Variants in BEND4 observed in about 807,000 individuals in gnomAD.
BEND4 encodes BEN domain-containing protein 4.
In BEND4, 27 loss-of-function variants were observed where a neutral mutation model predicts 54.7. That is an observed-to-expected ratio of 0.49 (90% CI 0.36 to 0.68). The LOEUF (loss-of-function observed/expected upper bound fraction) is 0.68. Among genes scored for constraint, BEND4 ranks in the 30% least tolerant of loss-of-function variants. The pLI, the probability that BEND4 is intolerant of heterozygous loss-of-function variation, is 0.00. For missense variants in BEND4, 702 were observed against 697.2 expected (o/e 1.01, Z -0.08); for synonymous variants, 327 against 299.5 (o/e 1.09, Z -0.95).
In BEND4 at chr4:42,135,934, C is replaced by T. The variant is rs115138679; in HGVS notation, c.1054+7494G>A. On this transcript the variant is annotated intron_variant, in intron 3 of 5. Transcript: ENST00000502486. ...AGAGATTCAAACACGGCTTTGACTCCGAATCCATTCTCTTTACCTTCTGTT... is the reference window on the plus strand; with the variant it reads ...AGAGATTCAAACACGGCTTTGACTCTGAATCCATTCTCTTTACCTTCTGTT... 9.7e-3 allele frequency among the ~76,000 whole-genome samples: 1,484 copies of T among 152,218 alleles called. 26 individuals carry two copies. The highest frequency in any genetic ancestry group is 0.034 in the African/African-American group (1,421 of 41,532).
Position 42,113,791 on chromosome 4 carries a change from C to A in BEND4, c.*3727G>T, listed in dbSNP as rs998850152. On this transcript the variant is annotated 3_prime_UTR_variant, in exon 6 of 6. Transcript: ENST00000502486. ...GAACAATGCAGAATACCCGATCACCCACTAACTCTACAGCCGTGAAGTAGC... is the reference window on the plus strand; with the variant it reads ...GAACAATGCAGAATACCCGATCACCAACTAACTCTACAGCCGTGAAGTAGC... The A allele has an allele frequency of 6.6e-6, 1 of 152,186 alleles. No individual in the cohort carries two copies. Among genetic ancestry groups the A allele is most frequent in the African/African-American group, 2.4e-5 (1 of 41,432 alleles). The allele number at this position is 152,186 out of a possible 1,614,324, so 9.4% of individuals were successfully genotyped here.
chr4:42,125,667 G>A lies in BEND4; in HGVS notation c.1062C>T (p.Cys354=). 6.2e-7 allele frequency: 1 copy of A among 1,607,574 alleles called. No homozygotes were observed. Among genetic ancestry groups the A allele is most frequent in the Non-Finnish European group, 8.5e-7 (1 of 1,176,158 alleles). Residue 354 remains cysteine, a synonymous_variant, in exon 4 of 6, where the codon TGC becomes TGT. Coordinates refer to ENST00000502486, the MANE Select transcript of BEND4 (RefSeq NM_207406.4). ...RRKLESIPVP[C]QTVLDYLKMV... ...TCTTCAAGTAATCTAAAACGGTCTG[G>A]CAGGGCACTGGGTGGAAGAAATGGC...
intron 3 of BEND4, among the ~76,000 whole-genome samples, chr4:42,134,899 C>G (rs1720643180): frequency 6.6e-6 from 1 of 152,292 alleles, no homozygotes; most frequent in Middle Eastern, 3.4e-3. Context: ...GGTTGGAACA[C>G]TTGGTGTCTG....
At chr4:42,120,029 G>A in intron 5 of BEND4, 25 bp downstream of exon 5, 2 of 1,613,688 alleles carry the variant, frequency 1.2e-6, no homozygotes, top group Non-Finnish European at 1.7e-6. Flanking sequence ...CACAGATGGT[G>A]ACACTGAGCG....
chr4:42,142,191 C>T (rs889689270), intron 3 of BEND4, among the ~76,000 whole-genome samples: 8 of 150,180 alleles, frequency 5.3e-5, no homozygotes, highest in African/African-American at 1.9e-4. Flanking sequence ...CAGGCGTGAG[C>T]CACTGCGCCC....
Position 42,121,346 on chromosome 4 carries a change from G to A in BEND4, c.1147-1052C>T, listed in dbSNP as rs187314318. Reference sequence around the variant, plus strand: ...CTAGGAAACCGGCACGGAGTTCTGCGCGTGGAGACTCATCACGGCAGCATT... The same window carrying A: ...CTAGGAAACCGGCACGGAGTTCTGCACGTGGAGACTCATCACGGCAGCATT... On this transcript the variant is annotated intron_variant, in intron 4 of 5. Transcript: ENST00000502486. 2.1e-3 allele frequency among the ~76,000 whole-genome samples: 325 copies of A among 152,282 alleles called. 3 individuals are homozygous for A. In the South Asian group the frequency reaches 0.024, roughly 11 times the overall value.
At chr4:42,141,961 G>A (rs1720900763) in intron 3 of BEND4, among the ~76,000 whole-genome samples, 1 of 151,752 alleles carries the variant, frequency 6.6e-6, no homozygotes, top group South Asian at 2.1e-4. Flanking sequence ...CTGGAGTGCA[G>A]AGGCATAATC....
chr4:42,151,499 C>T, intron 2 of BEND4, 158 bp downstream of exon 2: 2 of 733,636 alleles, frequency 2.7e-6, no homozygotes, highest in South Asian at 3.5e-5. Context: ...AGAATCCTCT[C>T]GAAGTTTCCG....
intron 3 of BEND4, 83 bp downstream of exon 3, chr4:42,143,345 A>G (rs530387253): frequency 3.6e-5 from 44 of 1,224,790 alleles, no homozygotes; most frequent in Admixed American, 1.2e-4. Context: ...ATACACATAC[A>G]TGAGTACAGA....
intron 3 of BEND4, among the ~76,000 whole-genome samples, chr4:42,126,969 TTTC>T (rs1720312864): frequency 6.6e-6 from 1 of 152,272 alleles, no homozygotes; most frequent in African/African-American, 2.4e-5. Context: ...AGCTGTGTGT[TTTC>T]TTAAGATGTT....
At chr4:42,124,844 T>C (rs1036979299) in intron 4 of BEND4, among the ~76,000 whole-genome samples, 6 of 152,006 alleles carry the variant, frequency 3.9e-5, no homozygotes, top group African/African-American at 1.5e-4. Flanking sequence ...TGCTGTAGTG[T>C]AGAATGAAGG....
chr4:42,123,789 A>G (rs1187718344), intron 4 of BEND4, among the ~76,000 whole-genome samples: 1 of 151,966 alleles, frequency 6.6e-6, no homozygotes, highest in Non-Finnish European at 1.5e-5. Flanking sequence ...CAACCTAGGA[A>G]AAGAGAGGCA....
chr4:42,119,037 T>C (rs866516306), intron 5 of BEND4, among the ~76,000 whole-genome samples: 1 of 152,138 alleles, frequency 6.6e-6, no homozygotes, highest in Non-Finnish European at 1.5e-5. Flanking sequence ...GCCTGCCCCA[T>C]CCCTTCTGAA....
chr4:42,123,700 A>AAAACAAAAAAACAAAAAC (rs1553921978), intron 4 of BEND4, among the ~76,000 whole-genome samples: 2 of 128,308 alleles, frequency 1.6e-5, no homozygotes, highest in Non-Finnish European at 3.3e-5. Context: ...TTCAGAAAAA[A>AAAACAAAAAAACAAAAAC]AAAAAAAAAA....
In BEND4 at chr4:42,143,538, T is replaced by C. The variant is rs762382178; in HGVS notation, c.944A>G (p.Glu315Gly). 2.6e-6 allele frequency: 4 copies of C among 1,556,582 alleles called. No homozygotes were observed. The highest frequency in any genetic ancestry group is 2.6e-6 in the Non-Finnish European group (3 of 1,149,724). The change falls in exon 3 of 6, where the codon GAG (glutamate) becomes GGG (glycine). Residue 315 changes from glutamate to glycine, a missense_variant. Glu to Gly is a moderately conservative substitution (Grantham distance 98, BLOSUM62 -2). Coordinates refer to ENST00000502486, the MANE Select transcript of BEND4 (RefSeq NM_207406.4). ...PSSSTLPEEE[E>G]EEDEEGYCPR... is the part of the protein sequence containing the mutation. ...ACAATAGCCTTCCTCGTCCTCCTCC[T>C]CCTCCTCTTCTGGCAGTGTAGATGA...
At chr4:42,124,034 G>A (rs1319625945) in intron 4 of BEND4, among the ~76,000 whole-genome samples, 1 of 152,158 alleles carries the variant, frequency 6.6e-6, no homozygotes, top group African/African-American at 2.4e-5. Flanking sequence ...TATGCATGTG[G>A]GACTTGTTAA....
At chr4:42,117,794 G>T in intron 5 of BEND4, 59 bp from the exon 6 acceptor site, 1 of 1,181,944 alleles carries the variant, frequency 8.5e-7, no homozygotes, top group Non-Finnish European at 1.2e-6. Context: ...GGTTTTTGCA[G>T]AAGATGACAG....
At chr4:42,149,279 G>C (rs1292547308) in intron 2 of BEND4, among the ~76,000 whole-genome samples, 2 of 136,854 alleles carry the variant, frequency 1.5e-5, no homozygotes, top group Non-Finnish European at 3.0e-5. Flanking sequence ...TAGTTTCTCA[G>C]AGAACCAATC....
intron 3 of BEND4, among the ~76,000 whole-genome samples, chr4:42,136,133 C>T (rs1245686278): frequency 6.6e-6 from 1 of 152,170 alleles, no homozygotes; most frequent in Non-Finnish European, 1.5e-5. Flanking sequence ...TACATATGAT[C>T]CGTGAGCTTC....
Sources: gnomAD v4.1 joint callset for allele counts (sites outside exome capture counted in the v4.1 genomes callset) on GRCh38, gnomAD v4.1.1 for gene constraint, MANE v1.5 for transcripts, NCBI Gene and HGNC (gene_info 2026-07-23, HGNC 2026-07-21) for gene names.